Variants in TMEM201 observed in about 807,000 individuals in gnomAD.
TMEM201 encodes the protein RP13-15M17.2.
A neutral mutation model predicts 63.4 loss-of-function variants in TMEM201; 26 were observed. That is an observed-to-expected ratio of 0.41 (90% CI 0.30 to 0.57). The LOEUF (loss-of-function observed/expected upper bound fraction) is 0.57. Ranked by LOEUF, TMEM201 falls within the 20% of genes least tolerant of loss-of-function variation. The pLI is 0.29. For missense variants in TMEM201, 794 were observed against 917.7 expected (o/e 0.87, Z 1.74); for synonymous variants, 417 against 421.6 (o/e 0.99, Z 0.14).
chr1:9,590,434 G>A (rs1308296719), intron 1 of TMEM201, among the ~76,000 whole-genome samples: 2 of 152,198 alleles, frequency 1.3e-5, no homozygotes, highest in South Asian at 2.1e-4. Flanking sequence ...TGGGGGAGGG[G>A]ATAGTCTGCC....
chr1:9,600,899 T>C (rs1249423035), intron 4 of TMEM201, among the ~76,000 whole-genome samples: 3 of 152,014 alleles, frequency 2.0e-5, no homozygotes, highest in Non-Finnish European at 4.4e-5. Context: ...TGGAAAGTCT[T>C]CTTTAAAAGG....
intron 4 of TMEM201, among the ~76,000 whole-genome samples, chr1:9,599,877 C>G (rs143244897): frequency 6.6e-6 from 1 of 152,212 alleles, no homozygotes; most frequent in Non-Finnish European, 1.5e-5. Flanking sequence ...ACATTACAGG[C>G]GTGAGCCACT....
Position 9,596,045 on chromosome 1 carries a change from C to T in TMEM201, c.234+35C>T, listed in dbSNP as rs752697735. On this transcript the variant is annotated intron_variant, in intron 2 of 10. Coordinates refer to ENST00000340381, the MANE Select transcript of TMEM201 (RefSeq NM_001130924.3). ...ACAGGCAGGCGGACGGGTGGGCACG[C>T]GGGGGTGGGGATCTTGAGATTTGCA... 42 of 1,601,136 alleles carry T rather than the reference C, an allele frequency of 2.6e-5. No homozygotes were observed. In the South Asian group the frequency reaches 4.0e-4, roughly 15 times the overall value.
intron 6 of TMEM201, chr1:9,602,933 G>C: frequency 1.0e-6 from 1 of 985,588 alleles, no homozygotes; most frequent in Non-Finnish European, 1.2e-6. Flanking sequence ...AGACCCTCCC[G>C]AGTCCCCGGA....
At chr1:9,609,392 T>C (rs1478234461) in intron 7 of TMEM201, among the ~76,000 whole-genome samples, 1 of 152,186 alleles carries the variant, frequency 6.6e-6, no homozygotes. Flanking sequence ...TGGTGATCCC[T>C]GGGATCGAGA....
chr1:9,601,256 GTGGCAA>G lies in TMEM201; in HGVS notation c.763_768del (p.Asn255_Gly256del). 2.5e-6 allele frequency: 4 copies of G among 1,611,074 alleles called. No homozygotes were observed. The highest frequency in any genetic ancestry group is 3.4e-6 in the Non-Finnish European group (4 of 1,179,772). ...ACTGTGCCCCTGGCCCTGCCACCTG[GTGGCAA>G]TGGCTCAGCCACACCTGACAATGGC... On this transcript the variant is annotated inframe_deletion, in exon 5 of 11. Coordinates refer to ENST00000340381, the MANE Select transcript of TMEM201 (RefSeq NM_001130924.3).
chr1:9,593,328 C>T (rs539704822), intron 1 of TMEM201, among the ~76,000 whole-genome samples: 4 of 152,354 alleles, frequency 2.6e-5, no homozygotes, highest in South Asian at 2.1e-4. Context: ...AGCTCCCCAT[C>T]GACCCCTGGC....
intron 4 of TMEM201, among the ~76,000 whole-genome samples, chr1:9,599,014 T>C (rs1644083847): frequency 6.6e-6 from 1 of 151,538 alleles, no homozygotes; most frequent in Admixed American, 6.6e-5. Context: ...CGATCTCGGC[T>C]CACTATAACC....
intron 9 of TMEM201, chr1:9,611,007 T>G (rs1356468771): frequency 6.5e-6 from 10 of 1,532,216 alleles, no homozygotes; most frequent in Non-Finnish European, 8.7e-6. Context: ...CAGTTTCTCC[T>G]TTTGCAGTTG....
chr1:9,589,967 C>T (rs886708095), intron 1 of TMEM201, among the ~76,000 whole-genome samples: 1 of 152,230 alleles, frequency 6.6e-6, no homozygotes, highest in African/African-American at 2.4e-5. Flanking sequence ...GAACCCTGAT[C>T]GTCTGGCTGG....
chr1:9,597,123 C>A, intron 3 of TMEM201, 70 bp downstream of exon 3: 1 of 1,510,412 alleles, frequency 6.6e-7, no homozygotes. Flanking sequence ...GGGGGACAGG[C>A]ACGTGCAGGG....
chr1:9,589,756 A>G (rs1291334625), intron 1 of TMEM201, among the ~76,000 whole-genome samples: 1 of 152,244 alleles, frequency 6.6e-6, no homozygotes, highest in Non-Finnish European at 1.5e-5. Flanking sequence ...CTGTTGCTTC[A>G]GCAGAGCCTC....
intron 10 of TMEM201, among the ~76,000 whole-genome samples, chr1:9,612,447 G>A (rs1644337780): frequency 6.6e-6 from 1 of 152,222 alleles, no homozygotes; most frequent in African/African-American, 2.4e-5. Flanking sequence ...GTGGGGAGGA[G>A]GGGGTGTGTG....
Position 9,598,585 on chromosome 1 carries a change from A to G in TMEM201, c.566A>G (p.His189Arg), listed in dbSNP as rs1341592638. The change falls in exon 4 of 11, where the codon CAC becomes CGC. Residue 189 changes from histidine (H) to arginine (R), a missense_variant. Coordinates refer to ENST00000340381, the MANE Select transcript of TMEM201 (RefSeq NM_001130924.3). The stretch of plus-strand genomic sequence containing the variant: ...CAGCTGCGCGCCCTGTTGCTCAGCC[A>G]CCAGTTCAAGCGCCGGGAGGCCGAC... Reference protein sequence around the residue: ...NRQLRALLLSHQFKRREADQT... With the variant: ...NRQLRALLLSRQFKRREADQT... The G allele has an allele frequency of 6.2e-7, 1 of 1,613,500 alleles. No homozygotes were observed. The highest frequency in any genetic ancestry group is 2.2e-5 in the East Asian group (1 of 44,880).
chr1:9,609,436 A>T (rs1644290827), intron 7 of TMEM201, among the ~76,000 whole-genome samples: 2 of 152,222 alleles, frequency 1.3e-5, no homozygotes, highest in Non-Finnish European at 2.9e-5. Context: ...TTAGTGGAGA[A>T]AGTGGGACTA....
chr1:9,602,354 C>T, intron 6 of TMEM201, 82 bp downstream of exon 6: 1 of 1,546,144 alleles, frequency 6.5e-7, no homozygotes. Flanking sequence ...GCGGGCCCCT[C>T]TCTGTCCTGC....
chr1:9,612,802 G>A (rs571858314), intron 10 of TMEM201, among the ~76,000 whole-genome samples, 184 bp from the exon 11 acceptor site: 13 of 152,348 alleles, frequency 8.5e-5, no homozygotes, highest in Admixed American at 8.5e-4. Flanking sequence ...GCAGGGAGTG[G>A]GGGTCTTTCC....
Position 9,607,534 on chromosome 1 carries a change from C to G in TMEM201, c.1161-23C>G, listed in dbSNP as rs1261415057. ...ACCTCCCGCTGACCCTCTTCTTGTCCCGTGCCTGACGGGCCCTTGCAGGTT... is the reference window on the plus strand; with the variant it reads ...ACCTCCCGCTGACCCTCTTCTTGTCGCGTGCCTGACGGGCCCTTGCAGGTT... On this transcript the variant is annotated intron_variant, in intron 6 of 10. Transcript: ENST00000340381. The surrounding 1 kb of genome is among the most constrained non-coding windows in gnomAD (Gnocchi z 5.4). 3.9e-6 allele frequency: 6 copies of G among 1,528,282 alleles called. No individual in the cohort carries two copies. The highest frequency in any genetic ancestry group is 5.3e-6 in the Non-Finnish European group (6 of 1,133,008). The allele number at this position is 1,528,282 out of a possible 1,614,324, so 94.7% of individuals were successfully genotyped here. A position where few individuals can be genotyped will look rare whatever the true frequency, so the allele number is the denominator to read the frequency against.
rs79894047 is a variant in TMEM201 at position 9,598,434 on chromosome 1, C to G, written c.430-15C>G. 0.032 allele frequency: 51,719 copies of G among 1,602,604 alleles called. 1,016 individuals are homozygous for G. The highest frequency in any genetic ancestry group is 0.04 in the Non-Finnish European group (46,295 of 1,170,884). On this transcript the variant is annotated splice_polypyrimidine_tract_variant and intron_variant, in intron 3 of 10. Coordinates refer to ENST00000340381, the MANE Select transcript of TMEM201 (RefSeq NM_001130924.3). ...CACCCCTGCAGATGCCGAGCCTGTT[C>G]CCCCAACCCCACAGGGCAGGTATGA...
Sources: gnomAD v4.1 joint callset for allele counts (sites outside exome capture counted in the v4.1 genomes callset) on GRCh38, gnomAD v4.1.1 for gene constraint, Gnocchi (gnomAD v3.1) non-coding constraint, MANE v1.5 for transcripts, NCBI Gene and HGNC (gene_info 2026-07-23, HGNC 2026-07-21) for gene names.